Variants in TRPM6 observed in about 807,000 individuals in gnomAD.
TRPM6 encodes channel kinase 2.
In TRPM6, 111 loss-of-function variants were observed where a neutral mutation model predicts 247.6. The observed-to-expected ratio is 0.45, with a 90% CI of 0.38 to 0.52. The LOEUF is 0.52. TRPM6 is among the 20% of genes least tolerant of loss of function. The pLI is 0.00. For synonymous variants in TRPM6, 892 were observed against 853.8 expected (o/e 1.04, Z -0.78); for missense variants, 2,126 against 2,421.5 (o/e 0.88, Z 2.56).
intron 9 of TRPM6, among the ~76,000 whole-genome samples, chr9:74,819,179 T>G (rs1362104249): frequency 6.6e-6 from 1 of 151,960 alleles, no homozygotes; most frequent in Admixed American, 6.6e-5. Flanking sequence ...CATGGTGGCA[T>G]GCACCTGTAG....
chr9:74,847,583 T>C (rs1477632322), intron 3 of TRPM6, among the ~76,000 whole-genome samples: 1 of 152,152 alleles, frequency 6.6e-6, no homozygotes, highest in African/African-American at 2.4e-5. Context: ...CCCCCACTGC[T>C]AAATTTGACT....
chr9:74,808,029 T>C lies in TRPM6; in HGVS notation c.1638+5A>G. 1 of 1,613,834 alleles carries C rather than the reference T, an allele frequency of 6.2e-7. No homozygotes were observed. Among genetic ancestry groups the C allele is most frequent in the Non-Finnish European group, 8.5e-7 (1 of 1,179,816 alleles). On this transcript the variant is annotated splice_donor_5th_base_variant and intron_variant, in intron 14 of 38. Coordinates refer to ENST00000360774, the MANE Select transcript of TRPM6 (RefSeq NM_017662.5). ...TTTTACTTGGGCACTTTTCAATTACTCTACCTTGTATTTTCTGTAGAGGTT... is the reference window on the plus strand; with the variant it reads ...TTTTACTTGGGCACTTTTCAATTACCCTACCTTGTATTTTCTGTAGAGGTT...
rs544029802 is a variant in TRPM6 at position 74,807,007 on chromosome 9, C to G, written c.1638+1027G>C. ...TCCTCCTACTTGTCACTGGGAACCTCACAGCAATGTCTGTTCTGTTTAAAT... is the reference window on the plus strand; with the variant it reads ...TCCTCCTACTTGTCACTGGGAACCTGACAGCAATGTCTGTTCTGTTTAAAT... On this transcript the variant is annotated intron_variant, in intron 14 of 38. Transcript: ENST00000360774. Among the ~76,000 whole-genome samples the G allele has an allele frequency of 4.0e-4, 61 of 152,354 alleles. No homozygotes were observed. In the South Asian group the frequency reaches 0.01, roughly 25 times the overall value.
intron 28 of TRPM6, among the ~76,000 whole-genome samples, chr9:74,755,126 T>C (rs919017536): frequency 2.6e-5 from 4 of 152,214 alleles, no homozygotes; most frequent in East Asian, 1.9e-4. Context: ...CAAGAGACTA[T>C]CTAAATCTTA....
chr9:74,833,692 C>T (rs1320888107), intron 6 of TRPM6, among the ~76,000 whole-genome samples: 3 of 152,144 alleles, frequency 2.0e-5, no homozygotes, highest in Non-Finnish European at 4.4e-5. Context: ...CACTCAGTAA[C>T]AGTAAGGGCA....
chr9:74,737,467 G>A, intron 36 of TRPM6: 2 of 1,287,978 alleles, frequency 1.6e-6, no homozygotes, highest in African/African-American at 1.5e-5. Context: ...AAGTCAGACA[G>A]GACAAGAAAA....
At chr9:74,840,903 A>C (rs1829917471) in intron 4 of TRPM6, among the ~76,000 whole-genome samples, 1 of 152,126 alleles carries the variant, frequency 6.6e-6, no homozygotes, top group Non-Finnish European at 1.5e-5. Context: ...GGCCAAAATC[A>C]CTATGTCAGC....
intron 6 of TRPM6, among the ~76,000 whole-genome samples, chr9:74,831,822 A>G (rs777800396): frequency 6.6e-6 from 1 of 152,238 alleles, no homozygotes; most frequent in Non-Finnish European, 1.5e-5. Flanking sequence ...AAAAGAGTCA[A>G]GCATTTATTC....
chr9:74,753,778 A>G (rs1826346284), intron 28 of TRPM6, among the ~76,000 whole-genome samples: 1 of 152,126 alleles, frequency 6.6e-6, no homozygotes, highest in African/African-American at 2.4e-5. Context: ...TTCTTTTTCA[A>G]TTAATTATTA....
chr9:74,792,226 G>A (rs1328148780), intron 19 of TRPM6, among the ~76,000 whole-genome samples: 2 of 152,208 alleles, frequency 1.3e-5, no homozygotes, highest in African/African-American at 4.8e-5. Flanking sequence ...TCTGATAGGA[G>A]TGCCGAGAGA....
chr9:74,804,663 C>T, intron 14 of TRPM6: 1 of 752,450 alleles, frequency 1.3e-6, no homozygotes, highest in Non-Finnish European at 2.4e-6. Flanking sequence ...TGTGACTATT[C>T]AGCAGTTCCC....
chr9:74,771,858 CAGAA>C (rs1827056089), intron 24 of TRPM6, 23 bp from the exon 25 acceptor site: 3 of 1,610,950 alleles, frequency 1.9e-6, no homozygotes, highest in Admixed American at 1.7e-5. Context: ...GTATGAAACA[CAGAA>C]AGAATCATTA....
chr9:74,850,715 C>T (rs1192442071), intron 3 of TRPM6, among the ~76,000 whole-genome samples: 6 of 151,156 alleles, frequency 4.0e-5, no homozygotes, highest in Non-Finnish European at 4.4e-5. Context: ...AGCAAAACTT[C>T]GTCTCAAAAA....
At chr9:74,739,511 A>G (rs1020056921) in intron 34 of TRPM6, 62 bp from the exon 35 acceptor site, 8 of 1,561,908 alleles carry the variant, frequency 5.1e-6, no homozygotes, top group Non-Finnish European at 7.1e-6. Flanking sequence ...TGATCATGAA[A>G]TTACTATAGG....
chr9:74,837,599 G>A (rs1392432162), intron 5 of TRPM6, among the ~76,000 whole-genome samples: 6 of 151,520 alleles, frequency 4.0e-5, no homozygotes, highest in Non-Finnish European at 8.8e-5. Flanking sequence ...GGCGCCCGCC[G>A]CCACACTCGG....
intron 12 of TRPM6, among the ~76,000 whole-genome samples, chr9:74,811,247 G>C (rs1828718703): frequency 6.6e-6 from 1 of 152,106 alleles, no homozygotes; most frequent in South Asian, 2.1e-4. Context: ...ACAAATATAA[G>C]CACTATTTTC....
At chr9:74,810,757 C>G in intron 13 of TRPM6, 58 bp downstream of exon 13, 2 of 1,512,278 alleles carry the variant, frequency 1.3e-6, no homozygotes, top group Admixed American at 1.7e-5. Context: ...AGTGACTCCT[C>G]CAACACAAAG....
intron 1 of TRPM6, among the ~76,000 whole-genome samples, chr9:74,878,797 C>T (rs190264110): frequency 1.9e-4 from 29 of 152,038 alleles, no homozygotes; most frequent in Admixed American, 9.2e-4. Context: ...TTCATAAAAC[C>T]CAGGAAAAAG....
chr9:74,838,439 T>G (rs1318517234), intron 5 of TRPM6, among the ~76,000 whole-genome samples: 1 of 152,232 alleles, frequency 6.6e-6, no homozygotes, highest in African/African-American at 2.4e-5. Flanking sequence ...CTTGGTTTTA[T>G]TTTACTTTGT....
Sources: gnomAD v4.1 joint callset for allele counts (sites outside exome capture counted in the v4.1 genomes callset) on GRCh38, gnomAD v4.1.1 for gene constraint, MANE v1.5 for transcripts, NCBI Gene and HGNC (gene_info 2026-07-23, HGNC 2026-07-21) for gene names.